Variants in SPATS1 observed in about 807,000 individuals in gnomAD.
The protein encoded by SPATS1 is spermatogenesis associated serine rich 1, also known as spermatogenesis-associated serine-rich protein 1.
SPATS1 carries 23 observed loss-of-function variants against 33.6 expected under a neutral mutation model. The observed-to-expected ratio is 0.68, with a 90% confidence interval of 0.49 to 0.97. SPATS1 has a LOEUF of 0.97. Among genes scored for constraint, SPATS1 ranks in the 50% least tolerant of loss-of-function variants. The pLI is 0.00. For missense variants in SPATS1, 327 were observed against 361.0 expected (o/e 0.91, Z 0.76); for synonymous variants, 131 against 125.6 (o/e 1.04, Z -0.29).
At chr6:44,346,875 G>C (rs1385833952) in intron 2 of SPATS1, among the ~76,000 whole-genome samples, 1 of 152,170 alleles carries the variant, frequency 6.6e-6, no homozygotes, top group Non-Finnish European at 1.5e-5. Context: ...CCATTACTGG[G>C]TATGTACCCA....
intron 7 of SPATS1, among the ~76,000 whole-genome samples, chr6:44,371,688 G>A (rs1442026341): frequency 2.6e-5 from 4 of 152,138 alleles, no homozygotes; most frequent in African/African-American, 9.7e-5. Context: ...GCTCATGCCT[G>A]TAATCCCAGC....
At chr6:44,370,469 A>G (rs1213035449) in intron 7 of SPATS1, among the ~76,000 whole-genome samples, 2 of 152,208 alleles carry the variant, frequency 1.3e-5, no homozygotes, top group Admixed American at 6.5e-5. Flanking sequence ...ACTGGCGAGA[A>G]TGGTTAGAGT....
At chr6:44,363,520 A>G (rs1385077020) in intron 5 of SPATS1, among the ~76,000 whole-genome samples, 2 of 152,160 alleles carry the variant, frequency 1.3e-5, no homozygotes, top group Non-Finnish European at 2.9e-5. Context: ...CTCAATCTTG[A>G]CTTATCACTG....
At chr6:44,345,856 C>T (rs968315847) in intron 2 of SPATS1, among the ~76,000 whole-genome samples, 2 of 152,098 alleles carry the variant, frequency 1.3e-5, no homozygotes, top group African/African-American at 2.4e-5. Flanking sequence ...TCACATATGG[C>T]CAAATTGCTC....
At chr6:44,358,228 T>C (rs73439558) in intron 3 of SPATS1, among the ~76,000 whole-genome samples, 2,921 of 152,290 alleles carry the variant, frequency 0.019, 89 homozygotes, top group African/African-American at 0.066. Context: ...CATTTAAATA[T>C]GAGTGACGCA....
Position 44,379,616 on chromosome 6 carries a change from AAAAAAAAAAAAG to A in SPATS1, c.*2557_*2568del, listed in dbSNP as rs1790111707. ...CTCTGTCTCAAAAAAAAAAAAAAAA[AAAAAAAAAAAAG>A]AAAGAAAGAAAGAAAGAAAAACAAC... is the stretch of plus-strand genomic sequence containing the variant. On this transcript the variant is annotated 3_prime_UTR_variant, in exon 9 of 9. Transcript: ENST00000674044. Among the ~76,000 whole-genome samples the A allele has an allele frequency of 6.7e-6, 1 of 148,958 alleles. No individual in the cohort carries two copies. The highest frequency in any genetic ancestry group is 2.0e-4 in the East Asian group (1 of 5,124).
intron 5 of SPATS1, among the ~76,000 whole-genome samples, chr6:44,366,435 T>C (rs1789254672): frequency 1.3e-5 from 2 of 152,178 alleles, no homozygotes; most frequent in African/African-American, 4.8e-5. Context: ...CCATAGTCTA[T>C]TTCTAGGTGT....
chr6:44,376,421 G>C lies in SPATS1; in HGVS notation c.822G>C (p.Glu274Asp), dbSNP rs1789957916. The C allele has an allele frequency of 6.2e-7, 1 of 1,613,094 alleles. No individual in the cohort carries two copies. The highest frequency in any genetic ancestry group is 8.5e-7 in the Non-Finnish European group (1 of 1,179,748). Residue 274 changes from glutamate to aspartate, a missense_variant, in exon 8 of 9, where the codon GAG (glutamate) becomes GAC (aspartate). Physicochemically the swap from Glu to Asp is conservative, Grantham distance 45. Transcript: ENST00000674044. Reference sequence around the variant, plus strand: ...AAAATGAGATACAAGAGGTTGAGGAGCTTGACAACTGGCAGCCAGCAGTGC... The same window carrying C: ...AAAATGAGATACAAGAGGTTGAGGACCTTGACAACTGGCAGCCAGCAGTGC... ...SLKNEIQEVE[E>D]LDNWQPAVPL...
intron 2 of SPATS1, among the ~76,000 whole-genome samples, chr6:44,344,951 G>T (rs767822586): frequency 2.0e-4 from 31 of 152,138 alleles, no homozygotes; most frequent in African/African-American, 7.2e-4. Context: ...TTCAAGCAGG[G>T]TGTATCTCCT....
intron 3 of SPATS1, among the ~76,000 whole-genome samples, chr6:44,354,910 G>T (rs531106995): frequency 6.6e-6 from 1 of 152,266 alleles, no homozygotes; most frequent in East Asian, 1.9e-4. Flanking sequence ...GACCTCCCAG[G>T]CTGAAGCAAT....
intron 5 of SPATS1, among the ~76,000 whole-genome samples, chr6:44,367,094 G>A (rs1411903): frequency 0.71 from 108,554 of 151,992 alleles, 39,100 homozygotes; most frequent in Middle Eastern, 0.77. Context: ...TTAATTAATT[G>A]ATTAAATTGT....
At chr6:44,366,985 A>G (rs1012253266) in intron 5 of SPATS1, among the ~76,000 whole-genome samples, 11 of 152,106 alleles carry the variant, frequency 7.2e-5, no homozygotes, top group Non-Finnish European at 1.6e-4. Context: ...GGTGCGACAG[A>G]CTCCAAAGTC....
At chr6:44,364,280 A>T (rs772796179) in intron 5 of SPATS1, among the ~76,000 whole-genome samples, 62 of 152,232 alleles carry the variant, frequency 4.1e-4, no homozygotes, top group Non-Finnish European at 1.5e-4. Context: ...CAAATATCCC[A>T]TTGTCTCATA....
Position 44,377,389 on chromosome 6 carries a change from G to C in SPATS1, c.*326G>C, listed in dbSNP as rs1790023828. Reference sequence around the variant, plus strand: ...GCAGATATTGTAACCCTTTACACCTGTATACCTACATACCTCAGCATGTAT... The same window carrying C: ...GCAGATATTGTAACCCTTTACACCTCTATACCTACATACCTCAGCATGTAT... On this transcript the variant is annotated 3_prime_UTR_variant, in exon 9 of 9. Transcript: ENST00000674044. 2 of 376,208 alleles carry C rather than the reference G, an allele frequency of 5.3e-6. No homozygotes were observed. Among genetic ancestry groups the C allele is most frequent in the Non-Finnish European group, 9.8e-6 (2 of 204,606 alleles). The allele number at this position is 376,208 out of a possible 1,614,324, so 23.3% of individuals were successfully genotyped here.
intron 6 of SPATS1, among the ~76,000 whole-genome samples, 185 bp from the exon 7 acceptor site, chr6:44,369,864 CCT>C (rs1789492317): frequency 7.6e-6 from 1 of 132,038 alleles, no homozygotes; most frequent in Admixed American, 7.4e-5. Flanking sequence ...AGAGTGAGAC[CCT>C]GTCTCAAAAC....
At chr6:44,351,944 C>T (rs1345083240) in intron 2 of SPATS1, among the ~76,000 whole-genome samples, 1 of 152,032 alleles carries the variant, frequency 6.6e-6, no homozygotes, top group Non-Finnish European at 1.5e-5. Flanking sequence ...TAAACAAATC[C>T]TTTGGAAAAT....
intron 2 of SPATS1, among the ~76,000 whole-genome samples, chr6:44,344,591 C>T (rs910221813): frequency 3.9e-5 from 6 of 152,084 alleles, no homozygotes; most frequent in Non-Finnish European, 4.4e-5. Context: ...GTTAAACAAA[C>T]ATGGCTTGAT....
intron 4 of SPATS1, chr6:44,361,462 G>A (rs889625338): frequency 8.1e-6 from 8 of 985,274 alleles, no homozygotes; most frequent in Admixed American, 1.2e-4. Context: ...CTGGTTGATG[G>A]CATTCTATTT....
rs922650972 is a variant in SPATS1 at position 44,342,690 on chromosome 6, C to G, written c.-79C>G. The G allele has an allele frequency of 2.2e-6, 1 of 457,842 alleles. No individual in the cohort carries two copies. The highest frequency in any genetic ancestry group is 1.5e-5 in the South Asian group (1 of 64,584). 28.4% of individuals were successfully genotyped at this position (457,842 alleles called of 1,614,324 possible). ...GGGAGAAGCAGGCGGCTGCGGTGTC[C>G]CTTTTGCCCTAGGCTCTCGGTTCTC... On this transcript the variant is annotated 5_prime_UTR_variant, in exon 1 of 9. Coordinates refer to ENST00000674044, the MANE Select transcript of SPATS1 (RefSeq NM_001372081.1).
Sources: gnomAD v4.1 joint callset for allele counts (sites outside exome capture counted in the v4.1 genomes callset) on GRCh38, gnomAD v4.1.1 for gene constraint, MANE v1.5 for transcripts, NCBI Gene and HGNC (gene_info 2026-07-23, HGNC 2026-07-21) for gene names.